The following EYA4 variants were observed in gnomAD, a reference collection of about 807,000 sequenced individuals.
EYA4 encodes EYA transcriptional coactivator and phosphatase 4.
In EYA4, 31 loss-of-function variants were observed where a neutral mutation model predicts 87.9. That is an observed-to-expected ratio of 0.35 (90% CI 0.27 to 0.48). EYA4 has a LOEUF of 0.48. Ranked by LOEUF, EYA4 falls within the 20% of genes least tolerant of loss-of-function variation. The pLI, the probability that EYA4 is intolerant of heterozygous loss-of-function variation, is 0.99. For synonymous variants in EYA4, 263 were observed against 270.6 expected (o/e 0.97, Z 0.28); for missense variants, 678 against 761.4 (o/e 0.89, Z 1.29).
intron 2 of EYA4, among the ~76,000 whole-genome samples, chr6:133,301,293 A>G (rs757063185): frequency 9.8e-5 from 15 of 152,324 alleles, no homozygotes; most frequent in Non-Finnish European, 2.1e-4. Context: ...TTATCTTTTA[A>G]ACATTATATG....
rs1272741696 is a variant in EYA4, at chr6:133,349,700, G to T, written c.34-32692G>T. ...AATGTGGGGGCTGTAATAAACCACAGGGTTAACCCCTAATCAGTGGGCTAC... is the reference window on the plus strand; with the variant it reads ...AATGTGGGGGCTGTAATAAACCACATGGTTAACCCCTAATCAGTGGGCTAC... On this transcript the variant is annotated intron_variant, in intron 2 of 19. Transcript: ENST00000355286. Among the ~76,000 whole-genome samples the T allele has an allele frequency of 2.0e-5, 3 of 151,794 alleles. No individual in the cohort carries two copies. The East Asian group carries it at 5.8e-4, about 29-fold the overall frequency.
intron 17 of EYA4, among the ~76,000 whole-genome samples, chr6:133,518,797 T>C (rs1471993004): frequency 1.3e-5 from 2 of 152,034 alleles, no homozygotes; most frequent in African/African-American, 2.4e-5. Context: ...ACAGACTATC[T>C]CTCAGACCAC....
At chr6:133,311,692 A>G (rs556903275) in intron 2 of EYA4, among the ~76,000 whole-genome samples, 1 of 152,228 alleles carries the variant, frequency 6.6e-6, no homozygotes, top group Admixed American at 6.5e-5. Flanking sequence ...GGACTCTAAA[A>G]ATCCCAACTC....
At chr6:133,523,237 G>C in intron 18 of EYA4, 60 bp downstream of exon 18, 1 of 1,572,266 alleles carries the variant, frequency 6.4e-7, no homozygotes, top group South Asian at 1.1e-5. Flanking sequence ...TCTCTGCCTA[G>C]TTCCCTTTTT....
intron 3 of EYA4, among the ~76,000 whole-genome samples, chr6:133,440,544 T>C (rs1792173237): frequency 6.6e-6 from 1 of 152,118 alleles, no homozygotes; most frequent in Non-Finnish European, 1.5e-5. Flanking sequence ...AAAAATAATA[T>C]AACAAAAATA....
chr6:133,455,449 C>A (rs909672811), intron 5 of EYA4, among the ~76,000 whole-genome samples: 6 of 152,280 alleles, frequency 3.9e-5, no homozygotes, highest in African/African-American at 1.4e-4. Flanking sequence ...TAACCCAGAG[C>A]TCACTGAAGG....
At chr6:133,418,451 A>G (rs1401214299) in intron 3 of EYA4, among the ~76,000 whole-genome samples, 1 of 152,194 alleles carries the variant, frequency 6.6e-6, no homozygotes, top group Non-Finnish European at 1.5e-5. Context: ...ACATTGTTGA[A>G]TGCATGGTTA....
At chr6:133,392,897 G>A (rs1342683144) in intron 3 of EYA4, among the ~76,000 whole-genome samples, 1 of 152,140 alleles carries the variant, frequency 6.6e-6, no homozygotes, top group Non-Finnish European at 1.5e-5. Context: ...GTGGTTAACA[G>A]TACAAAACTC....
intron 2 of EYA4, among the ~76,000 whole-genome samples, chr6:133,353,455 T>C (rs1185899491): frequency 1.3e-5 from 2 of 152,146 alleles, no homozygotes; most frequent in African/African-American, 4.8e-5. Flanking sequence ...TACATATAGA[T>C]ATTTTTTGAA....
intron 1 of EYA4, among the ~76,000 whole-genome samples, chr6:133,269,486 T>C (rs576654769): frequency 5.2e-4 from 77 of 147,744 alleles, no homozygotes; most frequent in African/African-American, 1.8e-3. Context: ...CTTTTAAGAA[T>C]GAAAAAAACA....
At chr6:133,325,284 A>C (rs890709641) in intron 2 of EYA4, 2 of 152,330 alleles carry the variant, frequency 1.3e-5, no homozygotes, top group Non-Finnish European at 1.5e-5. Context: ...CCATTGTGGC[A>C]GCCACAGATC....
chr6:133,364,478 G>T (rs1344720159), intron 2 of EYA4, among the ~76,000 whole-genome samples: 2 of 152,146 alleles, frequency 1.3e-5, no homozygotes, highest in African/African-American at 4.8e-5. Flanking sequence ...AAGGACTTCT[G>T]ATATCGAGGT....
chr6:133,408,545 G>A (rs1021350967), intron 3 of EYA4, among the ~76,000 whole-genome samples: 7 of 152,094 alleles, frequency 4.6e-5, no homozygotes, highest in Admixed American at 3.3e-4. Flanking sequence ...GTAGATTCTC[G>A]AGCCAGAATG....
chr6:133,526,524 T>C (rs1800646366), intron 19 of EYA4, among the ~76,000 whole-genome samples: 1 of 152,310 alleles, frequency 6.6e-6, no homozygotes, highest in South Asian at 2.1e-4. Context: ...TTTAGAAGTT[T>C]TGGTGACGTA....
At chr6:133,378,271 A>G (rs1275934830) in intron 2 of EYA4, among the ~76,000 whole-genome samples, 6 of 152,114 alleles carry the variant, frequency 3.9e-5, no homozygotes, top group East Asian at 3.9e-4. Context: ...GCTGTGGGAT[A>G]TTAGGCAAGT....
intron 3 of EYA4, among the ~76,000 whole-genome samples, chr6:133,389,385 ATG>A (rs2128492333): frequency 6.6e-6 from 1 of 152,302 alleles, no homozygotes; most frequent in African/African-American, 2.4e-5. Context: ...GAGATTCTGC[ATG>A]TGGTAGATGC....
chr6:133,530,604 C>G lies in EYA4; in HGVS notation c.*1799C>G. 3.0e-6 allele frequency: 3 copies of G among 985,730 alleles called. No homozygotes were observed. Among genetic ancestry groups the G allele is most frequent in the Non-Finnish European group, 3.6e-6 (3 of 829,850 alleles). The allele number at this position is 985,730 out of a possible 1,614,324, so 61.1% of individuals were successfully genotyped here. A position where few individuals can be genotyped will look rare whatever the true frequency, so the allele number is the denominator to read the frequency against. On this transcript the variant is annotated 3_prime_UTR_variant, in exon 20 of 20. Transcript: ENST00000355286. ...TAAAGTCTACATTTTGCTCACAGAT[C>G]ACAACATTCACTGTGGAAATATGAT...
intron 4 of EYA4, among the ~76,000 whole-genome samples, chr6:133,447,218 A>G (rs2128624083): frequency 6.6e-6 from 1 of 152,318 alleles, no homozygotes; most frequent in Non-Finnish European, 1.5e-5. Flanking sequence ...ATACAAAAAT[A>G]CTCATATCTG....
At chr6:133,513,439 C>T (rs1164387135) in intron 16 of EYA4, among the ~76,000 whole-genome samples, 2 of 152,148 alleles carry the variant, frequency 1.3e-5, no homozygotes, top group Non-Finnish European at 2.9e-5. Context: ...CATTATCTTT[C>T]TGGAATCCCA....
Sources: gnomAD v4.1 joint callset for allele counts (sites outside exome capture counted in the v4.1 genomes callset) on GRCh38, gnomAD v4.1.1 for gene constraint, MANE v1.5 for transcripts, NCBI Gene and HGNC (gene_info 2026-07-23, HGNC 2026-07-21) for gene names.